The following FBXL7 variants were observed in gnomAD, a reference collection of about 807,000 sequenced individuals.
The protein encoded by FBXL7 is F-box/LRR-repeat protein 7.
Under a neutral mutation model 38.3 loss-of-function variants are expected in FBXL7, and 12 were observed. The observed-to-expected ratio is 0.31, with a 90% CI of 0.20 to 0.51. FBXL7 has a LOEUF of 0.51. Among genes scored for constraint, FBXL7 ranks in the 20% least tolerant of loss-of-function variants. The probability of loss-of-function intolerance (pLI) is 0.98; values close to 1 mark genes in which losing one functional copy is unlikely to be tolerated. For synonymous variants in FBXL7, 297 were observed against 300.9 expected (o/e 0.99, Z 0.13); for missense variants, 567 against 676.4 (o/e 0.84, Z 1.79).
intron 2 of FBXL7, among the ~76,000 whole-genome samples, chr5:15,683,477 A>T (rs753365364): frequency 1.2e-4 from 19 of 152,170 alleles, no homozygotes; most frequent in Admixed American, 3.9e-4. Flanking sequence ...GATACACTGC[A>T]TCTGGCCCTA....
At chr5:15,820,221 A>G (rs1364579246) in intron 2 of FBXL7, among the ~76,000 whole-genome samples, 2 of 152,094 alleles carry the variant, frequency 1.3e-5, no homozygotes, top group African/African-American at 4.8e-5. Context: ...CATTCATTAT[A>G]GGGCTACATT....
intron 3 of FBXL7, among the ~76,000 whole-genome samples, chr5:15,929,623 C>G (rs147014056): frequency 0.019 from 2,024 of 108,386 alleles, 147 homozygotes; most frequent in Admixed American, 0.17. Flanking sequence ...GACCCTGTCT[C>G]TGAAAAAAAA....
chr5:15,927,807 A>G (rs1741922253), intron 2 of FBXL7, 83 bp from the exon 3 acceptor site: 2 of 1,063,710 alleles, frequency 1.9e-6, no homozygotes, highest in Non-Finnish European at 1.3e-6. Context: ...AGAAAAGAAA[A>G]GAAAGAAACC....
chr5:15,855,995 T>G (rs949024759), intron 2 of FBXL7, among the ~76,000 whole-genome samples: 12 of 152,190 alleles, frequency 7.9e-5, no homozygotes, highest in African/African-American at 2.7e-4. Context: ...TAATATTTAC[T>G]TATGGACAAA....
intron 1 of FBXL7, among the ~76,000 whole-genome samples, chr5:15,521,859 G>T (rs1245678190): frequency 1.3e-5 from 2 of 152,236 alleles, no homozygotes; most frequent in Non-Finnish European, 2.9e-5. Flanking sequence ...CTTGCTTTAT[G>T]TTGGATAAAT....
chr5:15,743,974 G>A (rs192945229), intron 2 of FBXL7, among the ~76,000 whole-genome samples: 83 of 152,286 alleles, frequency 5.5e-4, no homozygotes, highest in Non-Finnish European at 8.4e-4. Flanking sequence ...TGGGACATAA[G>A]GCACCAAGTC....
At position 15,902,759 on chromosome 5, in the gene FBXL7, G is replaced by C. The variant is rs1741260716; in HGVS notation, c.128-25131G>C. On this transcript the variant is annotated intron_variant, in intron 2 of 3. Transcript: ENST00000504595. ...GTCCTCCAAATTGAGAGAAATAATAGAGCTGTACTCAGAAATCCAAGATCA... is the reference window on the plus strand; with the variant it reads ...GTCCTCCAAATTGAGAGAAATAATACAGCTGTACTCAGAAATCCAAGATCA... Among the ~76,000 whole-genome samples, 3 of 152,350 alleles carry C rather than the reference G, an allele frequency of 2.0e-5. No homozygotes were observed. In the South Asian group the frequency reaches 6.2e-4, roughly 32 times the overall value.
At chr5:15,797,257 T>C (rs1737439727) in intron 2 of FBXL7, among the ~76,000 whole-genome samples, 1 of 152,170 alleles carries the variant, frequency 6.6e-6, no homozygotes, top group African/African-American at 2.4e-5. Flanking sequence ...CCCAACATGC[T>C]TAACTATGAA....
At chr5:15,560,204 C>T (rs982996590) in intron 1 of FBXL7, among the ~76,000 whole-genome samples, 4 of 152,158 alleles carry the variant, frequency 2.6e-5, no homozygotes, top group South Asian at 4.1e-4. Context: ...ATAGCATCTA[C>T]CCAAATGACC....
Position 15,902,027 on chromosome 5 carries a change from T to C in FBXL7, c.128-25863T>C, listed in dbSNP as rs923372677. On this transcript the variant is annotated intron_variant, in intron 2 of 3. Transcript: ENST00000504595. ...ATAATAGGCCCCATAAACACTCCAC[T>C]CCTCTCATGCTGCCACCCCATTACC... Among the ~76,000 whole-genome samples the C allele has an allele frequency of 3.3e-5, 5 of 152,262 alleles. No homozygotes were observed. The East Asian group carries it at 9.7e-4, about 29-fold the overall frequency.
intron 2 of FBXL7, among the ~76,000 whole-genome samples, chr5:15,713,138 A>T (rs978079629): frequency 6.6e-6 from 1 of 152,164 alleles, no homozygotes; most frequent in African/African-American, 2.4e-5. Flanking sequence ...GGTTTAAGGG[A>T]TGTACAGTTC....
chr5:15,789,713 C>T (rs1579464030), intron 2 of FBXL7, among the ~76,000 whole-genome samples: 1 of 152,292 alleles, frequency 6.6e-6, no homozygotes, highest in Non-Finnish European at 1.5e-5. Flanking sequence ...ATCTTCTTCC[C>T]ATCACTTCAA....
At chr5:15,541,625 A>C (rs1256131629) in intron 1 of FBXL7, among the ~76,000 whole-genome samples, 1 of 146,152 alleles carries the variant, frequency 6.8e-6, no homozygotes, top group South Asian at 2.2e-4. Flanking sequence ...GCTTACTGCA[A>C]CCTCTGCCTT....
intron 1 of FBXL7, among the ~76,000 whole-genome samples, chr5:15,608,330 T>C (rs938727265): frequency 6.6e-6 from 1 of 152,176 alleles, no homozygotes; most frequent in African/African-American, 2.4e-5. Flanking sequence ...GTAGAGCTAA[T>C]GGCTGTCTTT....
intron 2 of FBXL7, among the ~76,000 whole-genome samples, chr5:15,757,101 A>C (rs1736317635): frequency 1.3e-5 from 2 of 152,160 alleles, no homozygotes; most frequent in Admixed American, 1.3e-4. Context: ...TCAAAAAGTA[A>C]ATCAGTGAGT....
chr5:15,658,676 T>C (rs562485541), intron 2 of FBXL7, among the ~76,000 whole-genome samples: 22 of 151,906 alleles, frequency 1.4e-4, no homozygotes, highest in Non-Finnish European at 2.6e-4. Flanking sequence ...CTTGAGAGGG[T>C]TGTGATCGAT....
At chr5:15,893,064 G>A (rs763677146) in intron 2 of FBXL7, among the ~76,000 whole-genome samples, 14 of 151,104 alleles carry the variant, frequency 9.3e-5, no homozygotes, top group African/African-American at 2.4e-4. Context: ...TGCAGTGAGC[G>A]GAGATCACGC....
chr5:15,792,194 T>C (rs1221919310), intron 2 of FBXL7, among the ~76,000 whole-genome samples: 4 of 152,144 alleles, frequency 2.6e-5, no homozygotes, highest in Admixed American at 2.6e-4. Flanking sequence ...AAGCATTGTG[T>C]GTTAAAGCAA....
chr5:15,584,074 C>T (rs80016637), intron 1 of FBXL7, among the ~76,000 whole-genome samples: 3,766 of 152,204 alleles, frequency 0.025, 159 homozygotes, highest in African/African-American at 0.085. Context: ...GTACCTTGAC[C>T]CCTTTTAACC....
Sources: gnomAD v4.1 joint callset for allele counts (sites outside exome capture counted in the v4.1 genomes callset) on GRCh38, gnomAD v4.1.1 for gene constraint, MANE v1.5 for transcripts, NCBI Gene and HGNC (gene_info 2026-07-23, HGNC 2026-07-21) for gene names.